The following ANK1 variants were observed in gnomAD, a reference collection of about 807,000 sequenced individuals.
ANK1 encodes ankyrin 1.
ANK1 carries 51 observed loss-of-function variants against 210.4 expected under a neutral mutation model. The observed-to-expected ratio is 0.24, with a 90% CI of 0.19 to 0.31. ANK1 has a LOEUF of 0.31. Ranked by LOEUF, ANK1 falls within the 10% of genes least tolerant of loss-of-function variation. ANK1 has a pLI of 1.00. For missense variants in ANK1, 2,051 were observed against 2,504.4 expected, an observed-to-expected ratio of 0.82 and a Z score of 3.86; for synonymous variants, 967 against 1,025.9, an observed-to-expected ratio of 0.94 and a Z score of 1.10.
chr8:41,654,238 C>CT lies in ANK1; in HGVS notation c.*1551dup, dbSNP rs1804977966. The CT allele has an allele frequency of 6.5e-6, 1 of 152,684 alleles. No individual in the cohort carries two copies. The highest frequency in any genetic ancestry group is 1.5e-5 in the Non-Finnish European group (1 of 68,086). The allele number at this position is 152,684 out of a possible 1,614,324, so 9.5% of individuals were successfully genotyped here. ...CCCTGGGCCGGAGGCTCTAGTGGAA[C>CT]TTAAGGCTCCTCCCTGATGGCACCG... On this transcript the variant is annotated 3_prime_UTR_variant, in exon 43 of 43. Coordinates refer to ENST00000289734, the MANE Select transcript of ANK1 (RefSeq NM_000037.4).
chr8:41,699,686 T>C (rs1219259245), intron 22 of ANK1, 138 bp from the exon 23 acceptor site: 3 of 790,674 alleles, frequency 3.8e-6, no homozygotes, highest in East Asian at 5.1e-5. Flanking sequence ...GCAAGGAGAC[T>C]GGGAGCAATG....
intron 1 of ANK1, among the ~76,000 whole-genome samples, chr8:41,766,905 G>A (rs1375725858): frequency 2.0e-5 from 3 of 152,164 alleles, no homozygotes; most frequent in Non-Finnish European, 4.4e-5. Context: ...CGCAAGCCAG[G>A]TCCCCGCCCG....
In ANK1 at chr8:41,694,748, G is replaced by A. The variant is rs751939934; in HGVS notation, c.3171C>T (p.Thr1057=). ...TGATCACGAAGTACAGCGGGAAGTCGGTGGTGATGATTCGGCACACCCTCT... is the reference window on the plus strand; with the variant it reads ...TGATCACGAAGTACAGCGGGAAGTCAGTGGTGATGATTCGGCACACCCTCT... ...EKKRVCRIIT[T]DFPLYFVIMS... The change falls in exon 28 of 43, where the codon ACC becomes ACT. Residue 1057 remains threonine (T), a synonymous_variant. Coordinates refer to ENST00000289734, the MANE Select transcript of ANK1 (RefSeq NM_000037.4). This position sits in a 1 kb window ranked among gnomAD's most constrained non-coding sequence, Gnocchi z 5.7. 4.3e-6 allele frequency: 7 copies of A among 1,614,006 alleles called. No individual in the cohort carries two copies. Among genetic ancestry groups the A allele is most frequent in the East Asian group, 2.2e-5 (1 of 44,882 alleles).
At chr8:41,896,331 G>T in intron 1 of ANK1, 2 of 1,583,674 alleles carry the variant, frequency 1.3e-6, no homozygotes, top group Non-Finnish European at 8.6e-7. Context: ...CGGTCGCTGG[G>T]CTTTCACCGC....
At position 41,655,683 on chromosome 8, in the gene ANK1, C is replaced by T. The variant is rs1243101601; in HGVS notation, c.*107G>A. 6.2e-7 allele frequency: 1 copy of T among 1,610,328 alleles called. No individual in the cohort carries two copies. Among genetic ancestry groups the T allele is most frequent in the Non-Finnish European group, 8.5e-7 (1 of 1,176,718 alleles). ...ATGTGTGCACCGCTGCGGTGGCCCT[C>T]AGGTCCAGCTCTCCTCCTGTGTGCA... On this transcript the variant is annotated 3_prime_UTR_variant, in exon 43 of 43. Transcript: ENST00000289734.
At chr8:41,687,998 G>T (rs72638983) in intron 35 of ANK1, among the ~76,000 whole-genome samples, 158 bp downstream of exon 35, 2,553 of 152,338 alleles carry the variant, frequency 0.017, 41 homozygotes, top group Non-Finnish European at 0.028. Flanking sequence ...GCAGCCAATG[G>T]TGTGGCTTGG....
intron 1 of ANK1, among the ~76,000 whole-genome samples, chr8:41,886,958 T>C (rs6474370): frequency 1 from 151,588 of 152,302 alleles, 75,439 homozygotes; most frequent in Middle Eastern, 1. Context: ...GAAGTCTTCA[T>C]ATGCCAAGAC....
intron 1 of ANK1, among the ~76,000 whole-genome samples, chr8:41,856,664 C>T (rs914836750): frequency 2.6e-5 from 4 of 152,072 alleles, no homozygotes; most frequent in African/African-American, 9.7e-5. Flanking sequence ...TGAGTGCCAA[C>T]ATGATGCTCA....
chr8:41,724,855 T>C (rs897462945), intron 6 of ANK1, among the ~76,000 whole-genome samples: 3 of 152,138 alleles, frequency 2.0e-5, no homozygotes, highest in Non-Finnish European at 4.4e-5. Context: ...AATGGGGCTA[T>C]GGTCTTTTTT....
intron 1 of ANK1, 112 bp from the exon 2 acceptor site, chr8:41,758,249 T>G: frequency 1.1e-6 from 1 of 949,930 alleles, no homozygotes; most frequent in Non-Finnish European, 1.7e-6. Flanking sequence ...TGTGGCACCC[T>G]GGTGCCCACA....
chr8:41,805,690 A>T (rs1850868022), intron 1 of ANK1, among the ~76,000 whole-genome samples: 1 of 152,236 alleles, frequency 6.6e-6, no homozygotes, highest in Non-Finnish European at 1.5e-5. Flanking sequence ...TACAGACAAC[A>T]TATTTTTCTG....
At chr8:41,822,770 T>C (rs1338938561) in intron 1 of ANK1, among the ~76,000 whole-genome samples, 8 of 152,184 alleles carry the variant, frequency 5.3e-5, no homozygotes, top group Non-Finnish European at 1.2e-4. Context: ...TTGACCCTGC[T>C]ACCATCCCAC....
intron 5 of ANK1, among the ~76,000 whole-genome samples, 162 bp from the exon 6 acceptor site, chr8:41,726,108 C>A (rs539720720): frequency 6.6e-6 from 1 of 152,362 alleles, no homozygotes; most frequent in Non-Finnish European, 1.5e-5. Context: ...GCCTAAATGC[C>A]ATCTCCTCCC....
At chr8:41,715,572 A>G in intron 14 of ANK1, 80 bp downstream of exon 14, 1 of 1,544,258 alleles carries the variant, frequency 6.5e-7, no homozygotes, top group African/African-American at 1.4e-5. Context: ...AAAGAGAACC[A>G]GGCAGGAATT....
chr8:41,697,083 C>T (rs991367362), intron 24 of ANK1, among the ~76,000 whole-genome samples: 4 of 30,108 alleles, frequency 1.3e-4, no homozygotes, highest in Non-Finnish European at 9.2e-4. Flanking sequence ...GCTGCAGACC[C>T]GCCCCCCTTC....
At chr8:41,722,342 C>T (rs1003915604) in intron 9 of ANK1, among the ~76,000 whole-genome samples, 3 of 152,222 alleles carry the variant, frequency 2.0e-5, no homozygotes, top group Admixed American at 6.5e-5. Flanking sequence ...GATAATGTGT[C>T]GGGAATAAAT....
At chr8:41,893,760 A>G (rs530974606) in intron 1 of ANK1, among the ~76,000 whole-genome samples, 1 of 152,334 alleles carries the variant, frequency 6.6e-6, no homozygotes, top group East Asian at 1.9e-4. Flanking sequence ...TTCCTTCTGC[A>G]TGCTGGTATA....
chr8:41,850,673 A>G (rs1263489763), intron 1 of ANK1, among the ~76,000 whole-genome samples: 1 of 148,878 alleles, frequency 6.7e-6, no homozygotes, highest in Admixed American at 6.6e-5. Flanking sequence ...CAGAGATGGG[A>G]ATCTCACTAT....
intron 1 of ANK1, among the ~76,000 whole-genome samples, chr8:41,769,423 G>A (rs950039267): frequency 6.6e-5 from 10 of 152,178 alleles, no homozygotes; most frequent in African/African-American, 1.9e-4. Context: ...AATAAATGAT[G>A]GTTACTGGAA....
Sources: gnomAD v4.1 joint callset for allele counts (sites outside exome capture counted in the v4.1 genomes callset) on GRCh38, gnomAD v4.1.1 for gene constraint, Gnocchi (gnomAD v3.1) non-coding constraint, MANE v1.5 for transcripts, NCBI Gene and HGNC (gene_info 2026-07-23, HGNC 2026-07-21) for gene names.